Variants in FNDC3B observed in about 807,000 individuals in gnomAD.
FNDC3B encodes the protein fibronectin type III domain-containing protein 3B.
Under a neutral mutation model 151.5 loss-of-function variants are expected in FNDC3B, and 12 were observed. The ratio of observed to expected loss-of-function variants is 0.08; its 90% CI spans 0.05 to 0.13. The LOEUF is 0.13. Among genes scored for constraint, FNDC3B ranks in the 10% least tolerant of loss-of-function variants. The pLI, the probability that FNDC3B is intolerant of heterozygous loss-of-function variation, is 1.00. For missense variants in FNDC3B, 1,214 were observed against 1,505.3 expected (o/e 0.81, Z 3.20); for synonymous variants, 528 against 549.0 (o/e 0.96, Z 0.54).
chr3:172,097,816 G>A (rs781259855), intron 1 of FNDC3B, among the ~76,000 whole-genome samples: 31 of 152,134 alleles, frequency 2.0e-4, no homozygotes, highest in Non-Finnish European at 3.8e-4. Context: ...TATTTATGAT[G>A]GGCATGGATA....
chr3:172,281,470 C>A (rs931737932), intron 6 of FNDC3B, among the ~76,000 whole-genome samples: 4 of 152,122 alleles, frequency 2.6e-5, no homozygotes, highest in African/African-American at 9.7e-5. Flanking sequence ...TTCATTTACC[C>A]CAGCCGTGGT....
chr3:172,341,028 A>G, intron 16 of FNDC3B, 85 bp from the exon 17 acceptor site: 1 of 884,172 alleles, frequency 1.1e-6, no homozygotes, highest in South Asian at 1.4e-5. Flanking sequence ...TTTCATGAAA[A>G]CATAGAGCTT....
intron 6 of FNDC3B, among the ~76,000 whole-genome samples, chr3:172,256,463 G>A (rs1452043585): frequency 1.3e-5 from 2 of 152,208 alleles, no homozygotes; most frequent in Admixed American, 6.5e-5. Flanking sequence ...TCTTGTGTAC[G>A]GAGTATTATG....
At chr3:172,234,474 G>C (rs965497004) in intron 4 of FNDC3B, among the ~76,000 whole-genome samples, 4 of 152,080 alleles carry the variant, frequency 2.6e-5, no homozygotes, top group Non-Finnish European at 4.4e-5. Context: ...GGATCTCTGG[G>C]GTTCTTTTCT....
At chr3:172,281,257 A>ATTTATTTG (rs754348996) in intron 6 of FNDC3B, among the ~76,000 whole-genome samples, 65 of 132,754 alleles carry the variant, frequency 4.9e-4, no homozygotes, top group Non-Finnish European at 8.0e-4. Context: ...TTATTTATTT[A>ATTTATTTG]TATTTTGAGA....
At chr3:172,108,060 C>T (rs1342790141) in intron 1 of FNDC3B, among the ~76,000 whole-genome samples, 5 of 151,798 alleles carry the variant, frequency 3.3e-5, no homozygotes, top group East Asian at 3.9e-4. Context: ...CCCAGCTACT[C>T]GGGAGGCTGA....
chr3:172,050,196 T>C (rs1283326275), intron 1 of FNDC3B, among the ~76,000 whole-genome samples: 1 of 152,130 alleles, frequency 6.6e-6, no homozygotes, highest in African/African-American at 2.4e-5. Flanking sequence ...ATGAAAAGTA[T>C]GTATACTCAA....
chr3:172,252,606 T>C (rs1728143796), intron 6 of FNDC3B, among the ~76,000 whole-genome samples: 1 of 151,980 alleles, frequency 6.6e-6, no homozygotes, highest in South Asian at 2.1e-4. Flanking sequence ...TATTTTTGAG[T>C]GTCTATGGAA....
At chr3:172,173,305 G>A (rs114621484) in intron 3 of FNDC3B, among the ~76,000 whole-genome samples, 1,752 of 152,098 alleles carry the variant, frequency 0.012, 38 homozygotes, top group African/African-American at 0.04. Flanking sequence ...TTCTTTTATC[G>A]TGGGGGTCCT....
At chr3:172,276,595 A>G (rs375095314) in intron 6 of FNDC3B, among the ~76,000 whole-genome samples, 2 of 152,206 alleles carry the variant, frequency 1.3e-5, no homozygotes, top group Non-Finnish European at 2.9e-5. Flanking sequence ...TGCTTTGACA[A>G]TGGAGAAAGG....
intron 3 of FNDC3B, among the ~76,000 whole-genome samples, chr3:172,182,875 C>G (rs551381296): frequency 1.1e-3 from 175 of 152,218 alleles, no homozygotes; most frequent in Non-Finnish European, 2.0e-3. Context: ...GTAAAAGGAA[C>G]TCTGAGTGTA....
intron 25 of FNDC3B, among the ~76,000 whole-genome samples, chr3:172,391,861 G>A (rs986112894): frequency 7.2e-5 from 11 of 152,062 alleles, no homozygotes; most frequent in African/African-American, 2.4e-4. Context: ...TCCAAGAAAA[G>A]CATTCTATAC....
intron 1 of FNDC3B, among the ~76,000 whole-genome samples, chr3:172,045,911 C>G (rs1298711155): frequency 2.0e-5 from 3 of 152,012 alleles, no homozygotes; most frequent in Non-Finnish European, 4.4e-5. Context: ...TAGACAAGCA[C>G]AGGCCCAACT....
At chr3:172,142,128 A>C (rs2108587115) in intron 3 of FNDC3B, among the ~76,000 whole-genome samples, 1 of 152,340 alleles carries the variant, frequency 6.6e-6, no homozygotes, top group East Asian at 1.9e-4. Context: ...TGTACAGAGC[A>C]CTAAGAACAA....
chr3:172,243,093 ATCTG>A (rs1727584066), intron 4 of FNDC3B, among the ~76,000 whole-genome samples: 1 of 152,258 alleles, frequency 6.6e-6, no homozygotes, highest in South Asian at 2.1e-4. Flanking sequence ...CCTCATCTCT[ATCTG>A]AGACCATCTC....
At chr3:172,076,518 C>G (rs1244196000) in intron 1 of FNDC3B, among the ~76,000 whole-genome samples, 1 of 152,178 alleles carries the variant, frequency 6.6e-6, no homozygotes, top group East Asian at 1.9e-4. Flanking sequence ...ATTGTGAGTT[C>G]CTCCTGCCTT....
chr3:172,138,663 A>G (rs917007613), intron 3 of FNDC3B, among the ~76,000 whole-genome samples: 3 of 152,232 alleles, frequency 2.0e-5, no homozygotes, highest in Non-Finnish European at 4.4e-5. Context: ...TTAAAGTAAA[A>G]TTCTTAGGAA....
Position 172,353,017 on chromosome 3 carries a change from C to A in FNDC3B, c.2729C>A (p.Thr910Asn). Reference protein sequence around the residue: ...ILAYTIDLGDTSITVGNTTMH... With the variant: ...ILAYTIDLGDNSITVGNTTMH... Reference sequence around the variant, plus strand: ...GCTTACACCATTGATCTAGGAGACACTAGCATTACCGTGGGCAACACCACC... The same window carrying A: ...GCTTACACCATTGATCTAGGAGACAATAGCATTACCGTGGGCAACACCACC... Residue 910 changes from threonine (T) to asparagine (N), a missense_variant, in exon 22 of 26, where the codon ACT becomes AAT. Transcript: ENST00000415807. 1 of 1,614,146 alleles carries A rather than the reference C, an allele frequency of 6.2e-7. No individual in the cohort carries two copies. Among genetic ancestry groups the A allele is most frequent in the Admixed American group, 1.7e-5 (1 of 60,018 alleles).
At chr3:172,289,270 C>T (rs1347155595) in intron 7 of FNDC3B, among the ~76,000 whole-genome samples, 5 of 152,206 alleles carry the variant, frequency 3.3e-5, no homozygotes, top group Non-Finnish European at 7.3e-5. Flanking sequence ...CTTCCATTCT[C>T]ACATGCCTGT....
Sources: allele counts gnomAD v4.1 joint callset (sites outside exome capture counted in the v4.1 genomes callset), GRCh38; gene constraint gnomAD v4.1.1; transcripts MANE v1.5; gene names NCBI Gene and HGNC (gene_info 2026-07-23, HGNC 2026-07-21).